Variants in NEDD9 observed in about 807,000 individuals in gnomAD.
NEDD9 encodes the protein enhancer of filamentation 1.
Under a neutral mutation model 76.6 loss-of-function variants are expected in NEDD9, and 26 were observed. The observed-to-expected ratio is 0.34, with a 90% CI of 0.25 to 0.47. The LOEUF (loss-of-function observed/expected upper bound fraction) is 0.47, where lower values mean the gene tolerates loss of function less well. Ranked by LOEUF, NEDD9 falls within the 20% of genes least tolerant of loss-of-function variation. The probability of loss-of-function intolerance (pLI) is 1.00; values close to 1 mark genes in which losing one functional copy is unlikely to be tolerated. For synonymous variants in NEDD9, 392 were observed against 414.2 expected (o/e 0.95, Z 0.65); for missense variants, 937 against 1,058.5 (o/e 0.89, Z 1.59).
At chr6:11,376,788 T>A (rs933534033) in intron 1 of NEDD9, among the ~76,000 whole-genome samples, 7 of 152,278 alleles carry the variant, frequency 4.6e-5, no homozygotes, top group African/African-American at 1.7e-4. Context: ...AGGAAGCCAA[T>A]ATCCAAGACA....
chr6:11,319,419 G>A (rs1761691940), intron 2 of NEDD9, among the ~76,000 whole-genome samples: 1 of 149,012 alleles, frequency 6.7e-6, no homozygotes, highest in Non-Finnish European at 1.5e-5. Flanking sequence ...CTCACATACA[G>A]TCACACATGC....
At chr6:11,222,880 G>C (rs911974837) in intron 1 of NEDD9, among the ~76,000 whole-genome samples, 9 of 152,236 alleles carry the variant, frequency 5.9e-5, no homozygotes, top group Non-Finnish European at 1.0e-4. Context: ...TTCTATGGGG[G>C]TATTTTTGAG....
chr6:11,249,768 C>A (rs1180540253), intron 3 of NEDD9, among the ~76,000 whole-genome samples: 3 of 152,232 alleles, frequency 2.0e-5, no homozygotes, highest in Admixed American at 2.0e-4. Flanking sequence ...GGATAGACCT[C>A]TGCTCATGGT....
intron 3 of NEDD9, among the ~76,000 whole-genome samples, chr6:11,291,873 A>G (rs1415897052): frequency 6.6e-6 from 1 of 152,246 alleles, no homozygotes; most frequent in African/African-American, 2.4e-5. Flanking sequence ...TATTAGCAAC[A>G]TAGATCTCCA....
chr6:11,307,343 G>A (rs1286662851), intron 2 of NEDD9, among the ~76,000 whole-genome samples: 1 of 152,100 alleles, frequency 6.6e-6, no homozygotes, highest in South Asian at 2.1e-4. Flanking sequence ...TAAGAGGGGG[G>A]AAAAAGGAAT....
intron 1 of NEDD9, among the ~76,000 whole-genome samples, chr6:11,350,573 G>C (rs1762447013): frequency 1.3e-5 from 2 of 152,190 alleles, no homozygotes; most frequent in African/African-American, 4.8e-5. Flanking sequence ...CTAACTGTGG[G>C]AGCAGAAATA....
intron 3 of NEDD9, among the ~76,000 whole-genome samples, chr6:11,256,841 T>G (rs1191402949): frequency 6.6e-6 from 1 of 152,222 alleles, no homozygotes; most frequent in Non-Finnish European, 1.5e-5. Context: ...TAGATGTGAA[T>G]TGATTTAGGT....
chr6:11,188,392 C>G, intron 5 of NEDD9, 85 bp from the exon 6 acceptor site: 2 of 1,167,376 alleles, frequency 1.7e-6, no homozygotes, highest in Non-Finnish European at 2.6e-6. Context: ...TGAGTAAATA[C>G]TCTTTATTTT....
intron 1 of NEDD9, among the ~76,000 whole-genome samples, chr6:11,335,960 C>G (rs56178186): frequency 6.6e-6 from 1 of 152,124 alleles, no homozygotes; most frequent in Non-Finnish European, 1.5e-5. Flanking sequence ...TTCAGAAGCT[C>G]GTCTGCACTT....
intron 3 of NEDD9, chr6:11,305,254 T>G: frequency 1.4e-6 from 1 of 692,312 alleles, no homozygotes; most frequent in Non-Finnish European, 2.1e-6. Flanking sequence ...ATTTTCTCAT[T>G]TCATCCTCTG....
intron 2 of NEDD9, chr6:11,306,268 T>C: frequency 1.9e-6 from 1 of 522,548 alleles, no homozygotes; most frequent in East Asian, 3.2e-5. Flanking sequence ...TCCATAGTCT[T>C]GTGAATGGAA....
chr6:11,189,458 T>C (rs1436411964), intron 5 of NEDD9, among the ~76,000 whole-genome samples: 1 of 152,186 alleles, frequency 6.6e-6, no homozygotes, highest in African/African-American at 2.4e-5. Context: ...TACACACACA[T>C]ACACAGAGTA....
At chr6:11,346,136 T>C (rs1211632869) in intron 1 of NEDD9, among the ~76,000 whole-genome samples, 1 of 152,264 alleles carries the variant, frequency 6.6e-6, no homozygotes, top group Non-Finnish European at 1.5e-5. Context: ...ATAAGCTCCA[T>C]GATAACAGGG....
chr6:11,257,383 A>G (rs1435679332), intron 3 of NEDD9, among the ~76,000 whole-genome samples: 1 of 152,152 alleles, frequency 6.6e-6, no homozygotes, highest in African/African-American at 2.4e-5. Flanking sequence ...GTAGTCCTCC[A>G]TCCTCATTGA....
chr6:11,193,911 G>T (rs1758226265), intron 2 of NEDD9, among the ~76,000 whole-genome samples: 1 of 151,086 alleles, frequency 6.6e-6, no homozygotes, highest in Admixed American at 6.6e-5. Context: ...CCAGGCTGGA[G>T]TACAGTGGCA....
Position 11,252,740 on chromosome 6 carries a change from A to C in NEDD9, c.13-39013T>G, listed in dbSNP as rs1299108887. On this transcript the variant is annotated intron_variant, in intron 3 of 3. Coordinates refer to the NEDD9 transcript ENST00000397378. The surrounding 1 kb of genome is among the most constrained non-coding windows in gnomAD (Gnocchi z 4.3). Reference sequence around the variant, plus strand: ...GCAGTTTCATTTTCCCAGAAAAAAAAAACAACTCTGTCTCTTAAATATAGG... The same window carrying C: ...GCAGTTTCATTTTCCCAGAAAAAAACAACAACTCTGTCTCTTAAATATAGG... Among the ~76,000 whole-genome samples, 7 of 152,256 alleles carry C rather than the reference A, an allele frequency of 4.6e-5. No individual in the cohort carries two copies. Among genetic ancestry groups the C allele is most frequent in the East Asian group, 1.9e-4 (1 of 5,208 alleles).
intron 2 of NEDD9, among the ~76,000 whole-genome samples, chr6:11,307,632 TTA>T (rs141347580): frequency 1.0e-4 from 15 of 150,440 alleles, no homozygotes; most frequent in South Asian, 2.1e-4. Flanking sequence ...GTACCAGAAA[TTA>T]TATATATATA....
At chr6:11,300,575 G>A (rs1582008597) in intron 3 of NEDD9, among the ~76,000 whole-genome samples, 2 of 152,146 alleles carry the variant, frequency 1.3e-5, no homozygotes, top group East Asian at 3.8e-4. Context: ...ATTCACCAAG[G>A]TTGAAATGAA....
chr6:11,294,712 T>C (rs1760851841), intron 3 of NEDD9, among the ~76,000 whole-genome samples: 1 of 152,208 alleles, frequency 6.6e-6, no homozygotes, highest in South Asian at 2.1e-4. Context: ...TTTTCCCATA[T>C]CCTCACAACA....
Sources: gnomAD v4.1 joint callset for allele counts (sites outside exome capture counted in the v4.1 genomes callset) on GRCh38, gnomAD v4.1.1 for gene constraint, Gnocchi (gnomAD v3.1) non-coding constraint, MANE v1.5 for transcripts, NCBI Gene and HGNC (gene_info 2026-07-23, HGNC 2026-07-21) for gene names.